Variants in SLC1A3 observed in about 807,000 individuals in gnomAD.
SLC1A3 encodes solute carrier family 1 member 3, also known as excitatory amino acid transporter 1.
Under a neutral mutation model 48.1 loss-of-function variants are expected in SLC1A3, and 21 were observed. The ratio of observed to expected loss-of-function variants is 0.44; its 90% CI spans 0.31 to 0.63. The LOEUF is 0.63. SLC1A3 is among the 20% of genes least tolerant of loss of function. The pLI is 0.08. For synonymous variants in SLC1A3, 239 were observed against 251.4 expected (o/e 0.95, Z 0.47); for missense variants, 546 against 689.0 (o/e 0.79, Z 2.32).
intron 5 of SLC1A3, among the ~76,000 whole-genome samples, chr5:36,675,050 G>A (rs1246159611): frequency 6.6e-6 from 1 of 152,152 alleles, no homozygotes; most frequent in African/African-American, 2.4e-5. Context: ...TCCAGATGGT[G>A]TCAATTCACT....
chr5:36,601,879 T>A (rs773602032), upstream of SLC1A3, among the ~76,000 whole-genome samples: 1 of 152,146 alleles, frequency 6.6e-6, no homozygotes, highest in Non-Finnish European at 1.5e-5. Context: ...CCCTCTTGTG[T>A]TTGTGACTGT....
intron 1 of SLC1A3, among the ~76,000 whole-genome samples, chr5:36,599,929 C>T (rs1359785166): frequency 1.3e-5 from 2 of 152,078 alleles, no homozygotes; most frequent in Non-Finnish European, 2.9e-5. Context: ...TGAAGCAATT[C>T]TCCTGCTTCA....
At chr5:36,619,016 C>T (rs1163492281) in intron 2 of SLC1A3, among the ~76,000 whole-genome samples, 2 of 152,128 alleles carry the variant, frequency 1.3e-5, no homozygotes, top group African/African-American at 4.8e-5. Context: ...AGTCACACAC[C>T]GTGTGCACAT....
chr5:36,604,339 G>A (rs1397426818), upstream of SLC1A3, among the ~76,000 whole-genome samples: 1 of 150,396 alleles, frequency 6.6e-6, no homozygotes, highest in Non-Finnish European at 1.5e-5. Flanking sequence ...TTTCTAGAAG[G>A]AAAAAAAAAG....
At chr5:36,662,217 A>G (rs1380398535) in intron 3 of SLC1A3, among the ~76,000 whole-genome samples, 1 of 152,142 alleles carries the variant, frequency 6.6e-6, no homozygotes, top group Non-Finnish European at 1.5e-5. Context: ...CTGCTGGTGA[A>G]TGGGCATCAT....
chr5:36,651,043 T>A (rs1458115009), intron 3 of SLC1A3, among the ~76,000 whole-genome samples: 1 of 147,938 alleles, frequency 6.8e-6, no homozygotes, highest in Non-Finnish European at 1.5e-5. Context: ...GGTGAGTGCA[T>A]GCAGAACAAA....
chr5:36,642,477 T>G (rs1046314481), intron 3 of SLC1A3, among the ~76,000 whole-genome samples: 1 of 152,234 alleles, frequency 6.6e-6, no homozygotes, highest in Non-Finnish European at 1.5e-5. Flanking sequence ...ATTTGTATGA[T>G]GTCCCTAAAA....
intron 3 of SLC1A3, among the ~76,000 whole-genome samples, chr5:36,660,308 T>C (rs1741452323): frequency 6.6e-6 from 1 of 152,138 alleles, no homozygotes; most frequent in African/African-American, 2.4e-5. Context: ...ATAAGTGAAG[T>C]TTGCTATAAG....
chr5:36,632,185 T>C (rs1740160136), intron 3 of SLC1A3, among the ~76,000 whole-genome samples: 3 of 152,234 alleles, frequency 2.0e-5, no homozygotes, highest in Non-Finnish European at 4.4e-5. Context: ...GCAAAGAGAC[T>C]ATTGAGACAA....
chr5:36,657,681 A>T (rs1741336643), intron 3 of SLC1A3, among the ~76,000 whole-genome samples: 1 of 152,246 alleles, frequency 6.6e-6, no homozygotes, highest in African/African-American at 2.4e-5. Context: ...AACATGATGA[A>T]GTTGAGCAAG....
chr5:36,643,638 GAGA>G (rs1379949395), intron 3 of SLC1A3, among the ~76,000 whole-genome samples: 4 of 152,114 alleles, frequency 2.6e-5, no homozygotes, highest in Non-Finnish European at 2.9e-5. Flanking sequence ...GGTCCTCCTT[GAGA>G]AGAATTCCTT....
chr5:36,675,791 C>T (rs1476441527), intron 5 of SLC1A3, among the ~76,000 whole-genome samples: 1 of 152,208 alleles, frequency 6.6e-6, no homozygotes, highest in African/African-American at 2.4e-5. Flanking sequence ...TGACAGCTGG[C>T]CATGGCTTTG....
intron 3 of SLC1A3, chr5:36,666,252 A>G (rs1741742426): frequency 6.6e-6 from 1 of 152,172 alleles, no homozygotes; most frequent in African/African-American, 2.4e-5. Context: ...AAAAACTTAT[A>G]TTCACATGAA....
intron 3 of SLC1A3, among the ~76,000 whole-genome samples, chr5:36,655,695 T>C (rs922455938): frequency 3.9e-5 from 6 of 152,212 alleles, no homozygotes; most frequent in African/African-American, 1.4e-4. Flanking sequence ...TTTCATTCTG[T>C]CCTAGCCTCA....
Position 36,677,142 on chromosome 5 carries a change from C to A in SLC1A3, c.818C>A (p.Ser273Tyr), listed in dbSNP as rs1742246136. 6.2e-7 allele frequency: 1 copy of A among 1,614,082 alleles called. No individual in the cohort carries two copies. The highest frequency in any genetic ancestry group is 8.5e-7 in the Non-Finnish European group (1 of 1,179,936). The change falls in exon 6 of 10, where the codon TCT becomes TAT. Residue 273 changes from serine to tyrosine, a missense_variant. This residue lies in a region of SLC1A3 where 348 missense variants were observed against 392.0 expected (regional missense o/e 0.89). Transcript: ENST00000265113. ...QGQALREFFD[S>Y]LNEAIMRLVA... is the part of the protein sequence containing the mutation. ...CAGGCCCTGAGAGAGTTCTTTGATT[C>A]TCTTAACGAAGCCATCATGAGACTG...
intron 3 of SLC1A3, among the ~76,000 whole-genome samples, chr5:36,640,677 G>A (rs1482619565): frequency 2.6e-5 from 4 of 152,122 alleles, no homozygotes; most frequent in African/African-American, 9.7e-5. Context: ...ACTAAAAGAA[G>A]AGTAAGATGA....
At chr5:36,599,659 G>A (rs554184817) in intron 1 of SLC1A3, among the ~76,000 whole-genome samples, 8 of 148,954 alleles carry the variant, frequency 5.4e-5, no homozygotes, top group South Asian at 4.4e-4. Flanking sequence ...ACAGGTGTGC[G>A]CCACCACGCC....
chr5:36,597,810 T>A (rs1738762764), intron 1 of SLC1A3, among the ~76,000 whole-genome samples: 1 of 152,128 alleles, frequency 6.6e-6, no homozygotes, highest in African/African-American at 2.4e-5. Flanking sequence ...TTCCTCATCT[T>A]TAGAGTTCTT....
chr5:36,672,711 A>C (rs539042794), intron 4 of SLC1A3, among the ~76,000 whole-genome samples: 13 of 152,236 alleles, frequency 8.5e-5, no homozygotes, highest in African/African-American at 3.1e-4. Flanking sequence ...TGTAAACACT[A>C]CCCAAGGGGC....
Sources: allele counts gnomAD v4.1 joint callset (sites outside exome capture counted in the v4.1 genomes callset), GRCh38; gene constraint gnomAD v4.1.1; regional missense constraint gnomAD v4.1.1; transcripts MANE v1.5; gene names NCBI Gene and HGNC (gene_info 2026-07-23, HGNC 2026-07-21).